The following DLGAP2 variants were observed in gnomAD, a reference collection of about 807,000 sequenced individuals.
The protein encoded by DLGAP2 is disks large-associated protein 2.
DLGAP2 carries 26 observed loss-of-function variants against 100.3 expected under a neutral mutation model. That is an observed-to-expected ratio of 0.26 (90% confidence interval 0.19 to 0.36). The LOEUF (loss-of-function observed/expected upper bound fraction) is 0.36. Among genes scored for constraint, DLGAP2 ranks in the 10% least tolerant of loss-of-function variants. DLGAP2 has a pLI of 1.00. For missense variants in DLGAP2, 1,858 were observed against 1,453.2 expected, an observed-to-expected ratio of 1.28 and a Z score of -4.53; for synonymous variants, 886 against 630.1, an observed-to-expected ratio of 1.41 and a Z score of -6.08.
intron 3 of DLGAP2, among the ~76,000 whole-genome samples, chr8:1,329,836 T>C (rs1212854374): frequency 6.6e-6 from 1 of 152,226 alleles, no homozygotes; most frequent in Non-Finnish European, 1.5e-5. Flanking sequence ...AAGTGTCTCA[T>C]ACCAAACAGG....
intron 1 of DLGAP2, among the ~76,000 whole-genome samples, chr8:880,822 A>G (rs1431140469): frequency 6.6e-6 from 1 of 152,242 alleles, no homozygotes; most frequent in African/African-American, 2.4e-5. Context: ...CATGGACTCA[A>G]CGCAGATGTA....
chr8:1,255,655 T>A (rs1186392864), intron 2 of DLGAP2, among the ~76,000 whole-genome samples: 1 of 141,436 alleles, frequency 7.1e-6, no homozygotes, highest in Non-Finnish European at 1.5e-5. Context: ...GCCCGGGCGC[T>A]GTGTGTGTGT....
At chr8:1,148,402 A>C (rs1796642018) in intron 2 of DLGAP2, among the ~76,000 whole-genome samples, 1 of 151,968 alleles carries the variant, frequency 6.6e-6, no homozygotes, top group Non-Finnish European at 1.5e-5. Flanking sequence ...TTAAAGAATA[A>C]TATTTTTTGA....
At chr8:1,216,950 G>C (rs938840526) in intron 2 of DLGAP2, among the ~76,000 whole-genome samples, 1 of 152,166 alleles carries the variant, frequency 6.6e-6, no homozygotes, top group African/African-American at 2.4e-5. Flanking sequence ...TGATGTTGCT[G>C]CTTGGTTTTT....
intron 8 of DLGAP2, among the ~76,000 whole-genome samples, chr8:1,653,070 T>C (rs1319422964): frequency 6.6e-6 from 1 of 152,180 alleles, no homozygotes; most frequent in Non-Finnish European, 1.5e-5. Flanking sequence ...AAATGGGGGA[T>C]TTGAAACACA....
At chr8:1,091,424 GCTAA>G (rs965099096) in intron 2 of DLGAP2, among the ~76,000 whole-genome samples, 1 of 152,214 alleles carries the variant, frequency 6.6e-6, no homozygotes, top group Non-Finnish European at 1.5e-5. Flanking sequence ...CTAGTAAGAC[GCTAA>G]CTATTAAAAA....
rs1017782571 is a variant in DLGAP2, at chr8:938,207, C to A, written c.73+30241C>A. ...AGCATGTTTTCCCTTTAAATTGAGA[C>A]AGGGTCTCTCTCTGTTGCCCAGGCT... On this transcript the variant is annotated intron_variant, in intron 2 of 14. Transcript: ENST00000637795. Among the ~76,000 whole-genome samples the A allele has an allele frequency of 2.6e-5, 4 of 152,172 alleles. 1 individual carries two copies. The South Asian group carries it at 8.3e-4, about 32-fold the overall frequency.
intron 4 of DLGAP2, among the ~76,000 whole-genome samples, chr8:1,536,851 G>A (rs1024208355): frequency 1.4e-4 from 21 of 152,272 alleles, no homozygotes; most frequent in African/African-American, 4.8e-4. Context: ...CCCTGTAGGA[G>A]GCGCTGGCCA....
At chr8:1,494,532 A>T (rs1037456112) in intron 3 of DLGAP2, among the ~76,000 whole-genome samples, 1 of 152,072 alleles carries the variant, frequency 6.6e-6, no homozygotes. Flanking sequence ...AGTTTGAGAC[A>T]AGCCTGGCCA....
chr8:1,607,296 A>T (rs969852077), intron 6 of DLGAP2, among the ~76,000 whole-genome samples: 1 of 152,178 alleles, frequency 6.6e-6, no homozygotes, highest in African/African-American at 2.4e-5. Context: ...CAGATTTTTC[A>T]TCTATCTTAA....
rs1256687567 is a variant in DLGAP2, at chr8:1,200,553, G to A, written c.74-58298G>A. Among the ~76,000 whole-genome samples the A allele has an allele frequency of 2.6e-5, 4 of 152,248 alleles. No homozygotes were observed. The South Asian group carries it at 6.2e-4, about 24-fold the overall frequency. ...CTCTGGTCTGACCCGCCAGCTCCTC[G>A]GACCTCCGGAAAGAGCCTCCCGCCT... On this transcript the variant is annotated intron_variant, in intron 2 of 14. Coordinates refer to ENST00000637795, the MANE Select transcript of DLGAP2 (RefSeq NM_001346810.2).
intron 3 of DLGAP2, among the ~76,000 whole-genome samples, chr8:1,314,089 CTTAA>C (rs1156379317): frequency 6.6e-6 from 1 of 152,182 alleles, no homozygotes; most frequent in Non-Finnish European, 1.5e-5. Context: ...TTACTGCTGA[CTTAA>C]TTAGATATGT....
At chr8:1,142,855 G>A (rs910035570) in intron 2 of DLGAP2, among the ~76,000 whole-genome samples, 6 of 152,170 alleles carry the variant, frequency 3.9e-5, no homozygotes, top group African/African-American at 1.4e-4. Context: ...TGGGATCATG[G>A]CGTGGGGAGC....
intron 3 of DLGAP2, among the ~76,000 whole-genome samples, chr8:1,362,451 C>G (rs559885015): frequency 1.3e-5 from 2 of 152,074 alleles, no homozygotes; most frequent in Non-Finnish European, 2.9e-5. Flanking sequence ...TAAGGGCTGG[C>G]GTGGTCCATG....
chr8:968,369 C>T (rs1799931882), intron 2 of DLGAP2, among the ~76,000 whole-genome samples: 1 of 152,168 alleles, frequency 6.6e-6, no homozygotes, highest in African/African-American at 2.4e-5. Flanking sequence ...AGCATGGCCC[C>T]TGTGAGCTGA....
In DLGAP2 at chr8:1,010,668, C is replaced by T. The variant is rs555721864; in HGVS notation, c.73+102702C>T. The stretch of plus-strand genomic sequence containing the variant: ...GTGAGGCTTTTCCCATAGCTAGCCA[C>T]CTGAGTGGTGTCATTTCAGGAACCT... On this transcript the variant is annotated intron_variant, in intron 2 of 14. Transcript: ENST00000637795. 3.9e-5 allele frequency among the ~76,000 whole-genome samples: 6 copies of T among 152,346 alleles called. No individual in the cohort carries two copies. In the South Asian group the frequency reaches 1.2e-3, roughly 32 times the overall value.
chr8:1,409,065 C>A (rs752932346), intron 3 of DLGAP2, among the ~76,000 whole-genome samples: 1 of 152,148 alleles, frequency 6.6e-6, no homozygotes, highest in Non-Finnish European at 1.5e-5. Context: ...CCAACCCCTT[C>A]CTCACTGTAG....
At chr8:1,143,836 C>T (rs1264166004) in intron 2 of DLGAP2, among the ~76,000 whole-genome samples, 1 of 152,228 alleles carries the variant, frequency 6.6e-6, no homozygotes, top group Admixed American at 6.5e-5. Flanking sequence ...TCCTGACCTG[C>T]ACCTGTGCCC....
intron 10 of DLGAP2, 39 bp from the exon 11 acceptor site, chr8:1,676,494 T>C (rs1798813723): frequency 2.5e-6 from 4 of 1,589,536 alleles, no homozygotes; most frequent in African/African-American, 2.7e-5. Context: ...CCAGGCCCCA[T>C]GTTTCAGTTC....
Sources: gnomAD v4.1 joint callset for allele counts (sites outside exome capture counted in the v4.1 genomes callset) on GRCh38, gnomAD v4.1.1 for gene constraint, MANE v1.5 for transcripts, NCBI Gene and HGNC (gene_info 2026-07-23, HGNC 2026-07-21) for gene names.